Variants in PCCB observed in about 807,000 individuals in gnomAD.
The protein encoded by PCCB is propionyl-CoA carboxylase beta chain, mitochondrial.
Under a neutral mutation model 60.7 loss-of-function variants are expected in PCCB, and 43 were observed. The observed-to-expected ratio is 0.71, with a 90% confidence interval of 0.55 to 0.91. The LOEUF (loss-of-function observed/expected upper bound fraction) is 0.91. PCCB is among the 40% of genes least tolerant of loss of function. The pLI is 0.00. For missense variants in PCCB, 766 were observed against 702.8 expected, an observed-to-expected ratio of 1.09 and a Z score of -1.02; for synonymous variants, 276 against 255.9, an observed-to-expected ratio of 1.08 and a Z score of -0.75.
chr3:136,312,214 G>A (rs1271734728), intron 9 of PCCB, among the ~76,000 whole-genome samples: 2 of 152,228 alleles, frequency 1.3e-5, no homozygotes, highest in African/African-American at 4.8e-5. Flanking sequence ...TTCTTTGTGC[G>A]ACCATCATAG....
chr3:136,292,661 T>C (rs1469826457), intron 6 of PCCB, among the ~76,000 whole-genome samples: 1 of 152,226 alleles, frequency 6.6e-6, no homozygotes, highest in Non-Finnish European at 1.5e-5. Flanking sequence ...TTGAACACAG[T>C]GTGTATTGAA....
intron 9 of PCCB, among the ~76,000 whole-genome samples, chr3:136,302,210 C>T (rs34153877): frequency 1.3e-5 from 1 of 77,878 alleles, no homozygotes; most frequent in Non-Finnish European, 3.2e-5. Context: ...GGAACACTTG[C>T]GGAAATATCT....
chr3:136,284,137 A>G (rs977196034), intron 6 of PCCB, among the ~76,000 whole-genome samples, 190 bp downstream of exon 6: 4 of 152,198 alleles, frequency 2.6e-5, no homozygotes, highest in African/African-American at 7.2e-5. Flanking sequence ...GTTCAGTGGC[A>G]GGGGATGCTT....
At chr3:136,296,034 A>G (rs1245458861) in intron 7 of PCCB, among the ~76,000 whole-genome samples, 3 of 152,178 alleles carry the variant, frequency 2.0e-5, no homozygotes, top group South Asian at 2.1e-4. Context: ...GCAAGGCACA[A>G]AAAGGTGCTC....
chr3:136,301,253 G>A (rs1243734134), intron 9 of PCCB, 142 bp downstream of exon 9: 1 of 720,064 alleles, frequency 1.4e-6, no homozygotes, highest in Non-Finnish European at 2.5e-6. Flanking sequence ...CACAGGACCA[G>A]TGGCCACTGA....
At chr3:136,291,773 C>T (rs777227055) in intron 6 of PCCB, among the ~76,000 whole-genome samples, 8 of 152,120 alleles carry the variant, frequency 5.3e-5, no homozygotes, top group Non-Finnish European at 1.0e-4. Context: ...TGCTCTCGTG[C>T]GTTTCAGAAG....
intron 5 of PCCB, among the ~76,000 whole-genome samples, chr3:136,271,219 C>T (rs1225616477): frequency 7.2e-5 from 11 of 152,030 alleles, no homozygotes; most frequent in African/African-American, 2.4e-4. Context: ...AAGAGTTTTT[C>T]CAATGTTGCA....
At chr3:136,260,012 A>T in intron 3 of PCCB, 1 of 235,144 alleles carries the variant, frequency 4.3e-6, no homozygotes, top group Non-Finnish European at 8.4e-6. Flanking sequence ...TTGGCCTCTC[A>T]AAGTCTTGGG....
At chr3:136,262,136 C>A in intron 5 of PCCB, 71 bp downstream of exon 5, 1 of 931,076 alleles carries the variant, frequency 1.1e-6, no homozygotes, top group Non-Finnish European at 1.7e-6. Flanking sequence ...CTGGCCAGAG[C>A]TTCTCCAACT....
chr3:136,260,052 A>T, intron 3 of PCCB: 2 of 245,936 alleles, frequency 8.1e-6, no homozygotes, highest in Non-Finnish European at 1.6e-5. Flanking sequence ...ATGCCCGGGC[A>T]ACTTTTTTTG....
intron 5 of PCCB, among the ~76,000 whole-genome samples, chr3:136,273,597 C>CTTTTTTTTTTTTTTTTTTTTTTTTCT: frequency 4.4e-5 from 2 of 45,222 alleles, no homozygotes; most frequent in Non-Finnish European, 8.3e-5. Flanking sequence ...TTTCTTTTTT[C>CTTTTTTTTTTTTTTTTTTTTTTTTCT]TTTTTTTTTT....
At chr3:136,278,508 C>G (rs1942391755) in intron 5 of PCCB, among the ~76,000 whole-genome samples, 1 of 152,160 alleles carries the variant, frequency 6.6e-6, no homozygotes, top group Admixed American at 6.5e-5. Context: ...AAACCAAAAC[C>G]TCTCAAAGTA....
At chr3:136,255,515 A>G in intron 1 of PCCB, 2 of 330,576 alleles carry the variant, frequency 6.1e-6, no homozygotes, top group South Asian at 5.5e-5. Context: ...CATTCTTTTT[A>G]TGGCTCCTTA....
At chr3:136,259,142 G>A (rs1941755245) in intron 3 of PCCB, 1 of 1,461,648 alleles carries the variant, frequency 6.8e-7, no homozygotes, top group Non-Finnish European at 9.0e-7. Flanking sequence ...TGAGAGCTCT[G>A]ATTCTTGTTT....
chr3:136,252,054 G>A (rs774750624), intron 1 of PCCB, among the ~76,000 whole-genome samples: 3 of 151,136 alleles, frequency 2.0e-5, no homozygotes, highest in Non-Finnish European at 4.4e-5. Flanking sequence ...CTTTTTTTTT[G>A]TATTTTTAGC....
At chr3:136,251,317 T>C in intron 1 of PCCB, 1 of 456,638 alleles carries the variant, frequency 2.2e-6, no homozygotes, top group South Asian at 1.5e-5. Context: ...GAAACCAGGC[T>C]TGCCCAGTGT....
At chr3:136,300,074 A>G (rs904347101) in intron 8 of PCCB, among the ~76,000 whole-genome samples, 23 of 146,762 alleles carry the variant, frequency 1.6e-4, no homozygotes, top group Middle Eastern at 3.5e-3. Context: ...CAACACATAT[A>G]TGCATATACG....
intron 5 of PCCB, among the ~76,000 whole-genome samples, chr3:136,282,866 C>G (rs142010849): frequency 6.6e-6 from 1 of 152,174 alleles, no homozygotes; most frequent in Non-Finnish European, 1.5e-5. Context: ...CTGTTCTTAT[C>G]TCAAGTTTAG....
rs371437955 is a variant in PCCB, at chr3:136,272,399, TTCTC to T, written c.543+10335_543+10338del. On this transcript the variant is annotated intron_variant, in intron 5 of 14. Transcript: ENST00000251654. Reference sequence around the variant, plus strand: ...GAATGATTTAGGAAGGATTCCCTCTTTCTCAATCTTTTGGAATAGTTTCAGTAGG... The same window carrying T: ...GAATGATTTAGGAAGGATTCCCTCTTAATCTTTTGGAATAGTTTCAGTAGG... Among the ~76,000 whole-genome samples, 249 of 152,306 alleles carry T rather than the reference TTCTC, an allele frequency of 1.6e-3. 1 individual carries two copies. The highest frequency in any genetic ancestry group is 3.2e-3 in the Non-Finnish European group (221 of 68,022).
Sources: gnomAD v4.1 joint callset for allele counts (sites outside exome capture counted in the v4.1 genomes callset) on GRCh38, gnomAD v4.1.1 for gene constraint, MANE v1.5 for transcripts, NCBI Gene and HGNC (gene_info 2026-07-23, HGNC 2026-07-21) for gene names.